Variants in NCBP3 observed in about 807,000 individuals in gnomAD.
NCBP3 encodes nuclear cap binding subunit 3.
In NCBP3, 20 loss-of-function variants were observed where a neutral mutation model predicts 75.7. The ratio of observed to expected loss-of-function variants is 0.26; its 90% CI spans 0.19 to 0.38. The LOEUF (loss-of-function observed/expected upper bound fraction) is 0.38. Ranked by LOEUF, NCBP3 falls within the 10% of genes least tolerant of loss-of-function variation. The pLI, the probability that NCBP3 is intolerant of heterozygous loss-of-function variation, is 1.00. For missense variants in NCBP3, 678 were observed against 796.9 expected (o/e 0.85, Z 1.80); for synonymous variants, 293 against 290.5 (o/e 1.01, Z -0.09).
rs1365017168 is a variant in NCBP3 at position 3,802,974 on chromosome 17, G to C, written c.*10070C>G. 6.6e-6 allele frequency: 1 copy of C among 152,188 alleles called. No homozygotes were observed. Among genetic ancestry groups the C allele is most frequent in the South Asian group, 2.1e-4 (1 of 4,824 alleles). 9.4% of individuals were successfully genotyped at this position (152,188 alleles called of 1,614,324 possible). A position where few individuals can be genotyped will look rare whatever the true frequency, so the allele number is the denominator to read the frequency against. ...ATCCATCCAGTATGTATTTATCCAAGCGTCAGTGCCTCTAGTCATGAGACA... is the reference window on the plus strand; with the variant it reads ...ATCCATCCAGTATGTATTTATCCAACCGTCAGTGCCTCTAGTCATGAGACA... On this transcript the variant is annotated 3_prime_UTR_variant, in exon 13 of 13. Transcript: ENST00000389005.
At chr17:3,841,688 C>T (rs2054065952) in intron 2 of NCBP3, among the ~76,000 whole-genome samples, 1 of 142,276 alleles carries the variant, frequency 7.0e-6, no homozygotes, top group Non-Finnish European at 1.5e-5. Flanking sequence ...AAAAGGTTAG[C>T]TGGGCATGAT....
chr17:3,838,399 G>A (rs554129623), intron 3 of NCBP3, among the ~76,000 whole-genome samples: 13 of 152,352 alleles, frequency 8.5e-5, no homozygotes, highest in Non-Finnish European at 1.3e-4. Context: ...GCTTGCGCCC[G>A]GCTGTGCAGG....
intron 3 of NCBP3, among the ~76,000 whole-genome samples, chr17:3,835,461 T>A (rs1179668151): frequency 1.3e-5 from 2 of 152,256 alleles, no homozygotes; most frequent in Admixed American, 1.3e-4. Flanking sequence ...GACCAGAAAG[T>A]TGCGACACAT....
At chr17:3,826,012 T>G (rs1206065268) in intron 5 of NCBP3, 75 bp downstream of exon 5, 1 of 1,504,122 alleles carries the variant, frequency 6.6e-7, no homozygotes, top group Non-Finnish European at 8.9e-7. Flanking sequence ...AGATGCTATA[T>G]AGAGCTCTGC....
Position 3,813,275 on chromosome 17 carries a change from A to C in NCBP3, c.1632T>G (p.Asn544Lys). ...GTGCAGATCCTAGGCGAGTCCATAAATTACCTGTTTGGATGAGATGGCATT... is the reference window on the plus strand; with the variant it reads ...GTGCAGATCCTAGGCGAGTCCATAACTTACCTGTTTGGATGAGATGGCATT... ...YADTREKKSG[N>K]LWTRLGSAPK... The change falls in exon 13 of 13, where the codon AAT (asparagine) becomes AAG (lysine). Residue 544 changes from asparagine to lysine, a missense_variant. Physicochemically the swap from Asn to Lys is moderately conservative, Grantham distance 94. This residue lies in a region of NCBP3 where 365 missense variants were observed against 392.7 expected (regional missense o/e 0.93). Coordinates refer to ENST00000389005, the MANE Select transcript of NCBP3 (RefSeq NM_001114118.3). 1 of 1,613,896 alleles carries C rather than the reference A, an allele frequency of 6.2e-7. No individual in the cohort carries two copies. Among genetic ancestry groups the C allele is most frequent in the East Asian group, 2.2e-5 (1 of 44,888 alleles).
At chr17:3,827,071 A>G (rs865917621) in intron 4 of NCBP3, among the ~76,000 whole-genome samples, 3 of 120,068 alleles carry the variant, frequency 2.5e-5, no homozygotes, top group Admixed American at 9.0e-5. Flanking sequence ...GGAAGGGGGA[A>G]GGGTAGGGGG....
chr17:3,816,162 T>C lies in NCBP3; in HGVS notation c.1419A>G (p.Lys473=). Residue 473 remains lysine (K), a synonymous_variant, in exon 11 of 13, where the codon AAA becomes AAG. Transcript: ENST00000389005. The part of the protein sequence containing the change: ...FADVRHLLDE[K]RQHSRPRPPV... The stretch of plus-strand genomic sequence containing the variant: ...GTGGCCGTGGACGGGAGTGCTGACG[T>C]TTCTCATCTAATAGATGTCGGACAT... The C allele has an allele frequency of 6.2e-7, 1 of 1,614,150 alleles. No individual in the cohort carries two copies. The highest frequency in any genetic ancestry group is 1.1e-5 in the South Asian group (1 of 91,076).
chr17:3,837,445 C>T (rs544758947), intron 3 of NCBP3, among the ~76,000 whole-genome samples: 1 of 147,238 alleles, frequency 6.8e-6, no homozygotes, highest in Non-Finnish European at 1.5e-5. Flanking sequence ...TGCAGTGAGC[C>T]GAGATCGCGC....
intron 7 of NCBP3, 127 bp from the exon 8 acceptor site, chr17:3,822,179 C>T: frequency 1.5e-6 from 1 of 654,968 alleles, no homozygotes; most frequent in Non-Finnish European, 2.6e-6. Context: ...AGTAAAAATC[C>T]ACTACCAACA....
At chr17:3,820,824 G>A (rs1214487488) in intron 9 of NCBP3, among the ~76,000 whole-genome samples, 2 of 151,992 alleles carry the variant, frequency 1.3e-5, no homozygotes, top group African/African-American at 4.8e-5. Flanking sequence ...CCAGCTACTC[G>A]GGAGGCTAAG....
At chr17:3,817,245 T>C (rs1015437565) in intron 10 of NCBP3, among the ~76,000 whole-genome samples, 1 of 152,144 alleles carries the variant, frequency 6.6e-6, no homozygotes, top group Non-Finnish European at 1.5e-5. Flanking sequence ...TTCATGAAAC[T>C]AGCTAGCATT....
intron 10 of NCBP3, among the ~76,000 whole-genome samples, chr17:3,817,888 A>G (rs372611251): frequency 6.6e-6 from 1 of 152,212 alleles, no homozygotes; most frequent in Admixed American, 6.5e-5. Flanking sequence ...GCACAATGCA[A>G]AACTATAAAT....
At chr17:3,832,929 A>G (rs562759735) in intron 3 of NCBP3, among the ~76,000 whole-genome samples, 10 of 152,258 alleles carry the variant, frequency 6.6e-5, no homozygotes, top group Admixed American at 5.9e-4. Context: ...GACATCCCAG[A>G]TTTAAAAAGA....
At position 3,812,973 on chromosome 17, in the gene NCBP3, G is replaced by A; in HGVS notation, c.*71C>T. ...GAGGGCGCCAGCTCCTGCGGGGGAG[G>A]TTCCTACTGCGCGCCCCACCCTGTG... On this transcript the variant is annotated 3_prime_UTR_variant, in exon 13 of 13. Coordinates refer to ENST00000389005, the MANE Select transcript of NCBP3 (RefSeq NM_001114118.3). 2 of 1,592,970 alleles carry A rather than the reference G, an allele frequency of 1.3e-6. No individual in the cohort carries two copies. Among genetic ancestry groups the A allele is most frequent in the South Asian group, 1.1e-5 (1 of 88,202 alleles).
At chr17:3,825,100 T>C (rs1450150899) in intron 6 of NCBP3, 50 bp from the exon 7 acceptor site, 2 of 1,032,686 alleles carry the variant, frequency 1.9e-6, no homozygotes, top group South Asian at 3.1e-5. Flanking sequence ...CCTTTTGATA[T>C]TTCTTCAGTA....
chr17:3,834,307 A>T (rs1175237289), intron 3 of NCBP3, among the ~76,000 whole-genome samples: 1 of 152,256 alleles, frequency 6.6e-6, no homozygotes, highest in East Asian at 1.9e-4. Flanking sequence ...GTTCACTGCC[A>T]TAAGAGATTA....
Position 3,812,840 on chromosome 17 carries a change from A to C in NCBP3, c.*204T>G. ...GTGGGAAAGGAATCGAGGGCCCAGA[A>C]CTACAACTCTGCAGCGAAAGATAGA... is the stretch of plus-strand genomic sequence containing the variant. On this transcript the variant is annotated 3_prime_UTR_variant, in exon 13 of 13. Transcript: ENST00000389005. 1 of 1,408,566 alleles carries C rather than the reference A, an allele frequency of 7.1e-7. No individual in the cohort carries two copies. Among genetic ancestry groups the C allele is most frequent in the Non-Finnish European group, 9.2e-7 (1 of 1,083,582 alleles). The allele number at this position is 1,408,566 out of a possible 1,614,324, so 87.3% of individuals were successfully genotyped here.
chr17:3,827,874 T>C (rs1212032815), intron 4 of NCBP3, among the ~76,000 whole-genome samples: 2 of 152,228 alleles, frequency 1.3e-5, no homozygotes, highest in Non-Finnish European at 2.9e-5. Flanking sequence ...TTAGGTTTAA[T>C]TAATGTACAA....
intron 3 of NCBP3, among the ~76,000 whole-genome samples, chr17:3,831,444 G>A (rs779357610): frequency 4.2e-4 from 63 of 150,744 alleles, no homozygotes; most frequent in Non-Finnish European, 8.6e-4. Context: ...GTGGTGGCAG[G>A]TGCCTGTAGT....
Sources: allele counts gnomAD v4.1 joint callset (sites outside exome capture counted in the v4.1 genomes callset), GRCh38; gene constraint gnomAD v4.1.1; regional missense constraint gnomAD v4.1.1; transcripts MANE v1.5; gene names NCBI Gene and HGNC (gene_info 2026-07-23, HGNC 2026-07-21).